Variants in BACH2 observed in about 807,000 individuals in gnomAD.
BACH2 encodes transcription regulator protein BACH2.
BACH2 carries 5 observed loss-of-function variants against 61.8 expected under a neutral mutation model. The ratio of observed to expected loss-of-function variants is 0.08; its 90% confidence interval spans 0.04 to 0.17. The LOEUF is 0.17. Ranked by LOEUF, BACH2 falls within the 10% of genes least tolerant of loss-of-function variation. The pLI is 1.00. For synonymous variants in BACH2, 446 were observed against 440.1 expected (o/e 1.01, Z -0.17); for missense variants, 824 against 1,091.1 (o/e 0.76, Z 3.45).
At chr6:90,100,025 C>G (rs1362832573) in intron 4 of BACH2, among the ~76,000 whole-genome samples, 3 of 152,100 alleles carry the variant, frequency 2.0e-5, no homozygotes, top group Non-Finnish European at 2.9e-5. Context: ...ATGGAATCAT[C>G]TATTATGAGG....
In BACH2 at chr6:89,938,077, A is replaced by G; in HGVS notation, c.2043+67T>C. 8.1e-6 allele frequency: 12 copies of G among 1,477,898 alleles called. No individual in the cohort carries two copies. The South Asian group carries it at 1.4e-4, about 18-fold the overall frequency. 91.5% of individuals were successfully genotyped at this position (1,477,898 alleles called of 1,614,324 possible). On this transcript the variant is annotated intron_variant, in intron 8 of 8. Coordinates refer to ENST00000257749, the MANE Select transcript of BACH2 (RefSeq NM_021813.4). ...CCTTCTGTCTACTTTTCCAACTTTC[A>G]TTGCTGTTACTTTACATTAGTCCTG...
At position 90,287,031 on chromosome 6, in the gene BACH2, A is replaced by G. The variant is rs563474577; in HGVS notation, c.-446+9449T>C. On this transcript the variant is annotated intron_variant, in intron 1 of 8. Coordinates refer to ENST00000257749, the MANE Select transcript of BACH2 (RefSeq NM_021813.4). The stretch of plus-strand genomic sequence containing the variant: ...AGAAAGAGGACTCTTCATCATACCC[A>G]GCTCTGGAGGTGACAGTGAAGTCCT... 3.9e-5 allele frequency among the ~76,000 whole-genome samples: 6 copies of G among 152,316 alleles called. No individual in the cohort carries two copies. In the East Asian group the frequency reaches 7.7e-4, roughly 20 times the overall value.
intron 4 of BACH2, among the ~76,000 whole-genome samples, chr6:90,200,562 A>G (rs1582477628): frequency 1.3e-5 from 2 of 152,284 alleles, no homozygotes; most frequent in Admixed American, 6.5e-5. Context: ...TGCTCACTAA[A>G]TATCTTCATC....
intron 5 of BACH2, among the ~76,000 whole-genome samples, chr6:90,030,417 G>A (rs1048759401): frequency 6.6e-6 from 1 of 151,906 alleles, no homozygotes; most frequent in Non-Finnish European, 1.5e-5. Flanking sequence ...CAGACCAGCA[G>A]GGTTTTTTGA....
intron 1 of BACH2, among the ~76,000 whole-genome samples, chr6:90,295,494 C>G (rs1158491440): frequency 6.6e-6 from 1 of 152,040 alleles, no homozygotes; most frequent in African/African-American, 2.4e-5. Flanking sequence ...GAGCGCCGCC[C>G]GCCGCCGTCT....
chr6:90,219,412 C>T (rs1769660096), intron 3 of BACH2, among the ~76,000 whole-genome samples: 2 of 152,232 alleles, frequency 1.3e-5, no homozygotes, highest in Admixed American at 6.5e-5. Context: ...CTGCAAAGCA[C>T]AGGCTATGTC....
intron 4 of BACH2, among the ~76,000 whole-genome samples, chr6:90,099,722 T>C (rs921355822): frequency 6.6e-6 from 1 of 152,222 alleles, no homozygotes. Context: ...TTCTATTAGG[T>C]GGCCAGGACC....
intron 4 of BACH2, among the ~76,000 whole-genome samples, chr6:90,139,778 G>C (rs1311419380): frequency 6.6e-6 from 1 of 152,126 alleles, no homozygotes; most frequent in Non-Finnish European, 1.5e-5. Context: ...ATTCAACTAA[G>C]AAATCCCTTT....
chr6:90,041,722 T>C, intron 5 of BACH2, among the ~76,000 whole-genome samples: 1 of 152,316 alleles, frequency 6.6e-6, no homozygotes, highest in Non-Finnish European at 1.5e-5. Flanking sequence ...GATTCCTTTG[T>C]AATCTTTTAT....
At chr6:90,279,907 G>A (rs961684772) in intron 1 of BACH2, among the ~76,000 whole-genome samples, 2 of 152,156 alleles carry the variant, frequency 1.3e-5, no homozygotes, top group African/African-American at 4.8e-5. Context: ...GATTCCACTT[G>A]AACTTCATCA....
At chr6:90,122,155 T>A (rs1411858790) in intron 4 of BACH2, among the ~76,000 whole-genome samples, 1 of 152,238 alleles carries the variant, frequency 6.6e-6, no homozygotes, top group African/African-American at 2.4e-5. Flanking sequence ...AAGCACACCA[T>A]GGGCCAAATG....
At chr6:90,271,162 CA>C (rs932241050) in intron 2 of BACH2, among the ~76,000 whole-genome samples, 6 of 151,794 alleles carry the variant, frequency 4.0e-5, no homozygotes, top group African/African-American at 1.5e-4. Context: ...TTGGCTTAGG[CA>C]AAAAGTTCAT....
chr6:90,228,378 T>C (rs950895187), intron 3 of BACH2, among the ~76,000 whole-genome samples: 60 of 152,238 alleles, frequency 3.9e-4, no homozygotes, highest in African/African-American at 1.4e-3. Flanking sequence ...ATTATTACTA[T>C]AATGCATTAT....
chr6:90,164,680 A>C (rs1334020796), intron 4 of BACH2, among the ~76,000 whole-genome samples: 3 of 152,100 alleles, frequency 2.0e-5, no homozygotes, highest in African/African-American at 7.2e-5. Context: ...TACTGGCAAA[A>C]CAAATCCAGC....
intron 6 of BACH2, among the ~76,000 whole-genome samples, chr6:89,981,934 G>T (rs926238146): frequency 2.6e-5 from 4 of 151,966 alleles, no homozygotes; most frequent in Non-Finnish European, 5.9e-5. Flanking sequence ...GGCAGGAGGG[G>T]AAGTGATGGG....
chr6:90,063,742 T>C (rs1411034956), intron 5 of BACH2, among the ~76,000 whole-genome samples: 1 of 152,214 alleles, frequency 6.6e-6, no homozygotes, highest in East Asian at 1.9e-4. Flanking sequence ...ATATGGCTGT[T>C]GTGAGATTCT....
In BACH2 at chr6:89,932,199, G is replaced by A. The variant is rs1772692299; in HGVS notation, c.*209C>T. 1.6e-6 allele frequency: 1 copy of A among 643,898 alleles called. No individual in the cohort carries two copies. The highest frequency in any genetic ancestry group is 2.4e-5 in the South Asian group (1 of 42,268). The allele number at this position is 643,898 out of a possible 1,614,324, so 39.9% of individuals were successfully genotyped here. ...CATCACTGCTGTCTTTCCTTGCCTG[G>A]GCAAGGGGTAGCACCATTGTGAAGG... is the stretch of plus-strand genomic sequence containing the variant. On this transcript the variant is annotated 3_prime_UTR_variant, in exon 9 of 9. Transcript: ENST00000257749.
intron 5 of BACH2, among the ~76,000 whole-genome samples, chr6:90,063,116 CA>C (rs1312766119): frequency 2.0e-5 from 3 of 152,012 alleles, no homozygotes; most frequent in African/African-American, 7.3e-5. Flanking sequence ...CTGAATATAC[CA>C]ATAAAATGTT....
At chr6:90,128,304 C>G (rs1300760128) in intron 4 of BACH2, among the ~76,000 whole-genome samples, 1 of 152,056 alleles carries the variant, frequency 6.6e-6, no homozygotes, top group Admixed American at 6.5e-5. Flanking sequence ...GTCTATAGGC[C>G]AGGCGCCGTG....
Sources: gnomAD v4.1 joint callset for allele counts (sites outside exome capture counted in the v4.1 genomes callset) on GRCh38, gnomAD v4.1.1 for gene constraint, MANE v1.5 for transcripts, NCBI Gene and HGNC (gene_info 2026-07-23, HGNC 2026-07-21) for gene names.